Variants in WDR62 observed in about 807,000 individuals in gnomAD.
WDR62 encodes the protein WD repeat domain 62.
Under a neutral mutation model 160.6 loss-of-function variants are expected in WDR62, and 112 were observed. That is an observed-to-expected ratio of 0.70 (90% CI 0.60 to 0.82). WDR62 has a LOEUF of 0.82. Ranked by LOEUF, WDR62 falls within the 40% of genes least tolerant of loss-of-function variation. The pLI is 0.00. For synonymous variants in WDR62, 792 were observed against 815.1 expected, an observed-to-expected ratio of 0.97 and a Z score of 0.48; for missense variants, 1,819 against 1,983.8, an observed-to-expected ratio of 0.92 and a Z score of 1.58.
rs569827701 is a variant in WDR62, at chr19:36,101,586, C to T, written c.2972-78C>T. 73 of 1,138,322 alleles carry T rather than the reference C, an allele frequency of 6.4e-5. No homozygotes were observed. In the African/African-American group the frequency reaches 1.0e-3, roughly 16 times the overall value. The allele number at this position is 1,138,322 out of a possible 1,614,324, so 70.5% of individuals were successfully genotyped here. The stretch of plus-strand genomic sequence containing the variant: ...CCCTCCTCCAGATGGGGAAACTGAG[C>T]CCAGGGAAGGGTAGCCCTGGCCCTG... On this transcript the variant is annotated intron_variant, in intron 24 of 31. Transcript: ENST00000401500.
chr19:36,082,835 A>C lies in WDR62; in HGVS notation c.1372-228A>C, dbSNP rs147144244. 0.014 allele frequency among the ~76,000 whole-genome samples: 2,095 copies of C among 152,316 alleles called. 21 individuals carry two copies. The highest frequency in any genetic ancestry group is 0.022 in the Non-Finnish European group (1,470 of 68,026). ...AGTTCCAGGCTGCAGGATGGAGAAAAGACAGCAGAAGAATACGTGCTTGCT... is the reference window on the plus strand; with the variant it reads ...AGTTCCAGGCTGCAGGATGGAGAAACGACAGCAGAAGAATACGTGCTTGCT... On this transcript the variant is annotated intron_variant, in intron 10 of 31. Transcript: ENST00000401500.
chr19:36,085,743 G>A (rs1972187343), intron 12 of WDR62, among the ~76,000 whole-genome samples: 1 of 152,098 alleles, frequency 6.6e-6, no homozygotes. Context: ...CATCAGATGA[G>A]ATCATGAGAT....
intron 18 of WDR62, among the ~76,000 whole-genome samples, chr19:36,092,427 C>A (rs1972676593): frequency 1.3e-5 from 2 of 152,184 alleles, no homozygotes; most frequent in Admixed American, 1.3e-4. Context: ...TGATTTACCC[C>A]AGTTCTTCCC....
intron 10 of WDR62, among the ~76,000 whole-genome samples, chr19:36,082,292 C>T (rs78542047): frequency 0.011 from 1,608 of 152,278 alleles, 29 homozygotes; most frequent in African/African-American, 0.037. Context: ...CATAGAGCAG[C>T]AGCATGTGAA....
rs1283389801 is a variant in WDR62, at chr19:36,083,148, G to A, written c.1457G>A (p.Gly486Glu). ...SHFPDRGSENGTPMDVKAGVR... is the reference protein window; with the variant it reads ...SHFPDRGSENETPMDVKAGVR... ...TTCCCAGACCGGGGGAGCGAGAATGGGACACCCATGGACGTGAAAGCCGGG... is the reference window on the plus strand; with the variant it reads ...TTCCCAGACCGGGGGAGCGAGAATGAGACACCCATGGACGTGAAAGCCGGG... The change falls in exon 11 of 32, where the codon GGG (glycine) becomes GAG (glutamate). Residue 486 changes from glycine (G) to glutamate (E), a missense_variant. Physicochemically the swap from Gly to Glu is moderately conservative, Grantham distance 98. This residue lies in a region of WDR62 where 934 missense variants were observed against 1,157.2 expected (regional missense o/e 0.81). Coordinates refer to ENST00000401500, the MANE Select transcript of WDR62 (RefSeq NM_001083961.2). 5 of 1,613,448 alleles carry A rather than the reference G, an allele frequency of 3.1e-6. No homozygotes were observed. Among genetic ancestry groups the A allele is most frequent in the Admixed American group, 3.3e-5 (2 of 59,946 alleles).
Position 36,103,830 on chromosome 19 carries a change from G to A in WDR62, c.4002G>A (p.Glu1334=). ...VSFPAPSPVE[E]SALRLHGSAF... is the part of the protein sequence containing the mutation. Reference sequence around the variant, plus strand: ...TCCCAGCCCCTAGCCCTGTGGAAGAGAGCGCCCTGAGGCTCCACGGCTCTG... The same window carrying A: ...TCCCAGCCCCTAGCCCTGTGGAAGAAAGCGCCCTGAGGCTCCACGGCTCTG... The change falls in exon 30 of 32, where the codon GAG becomes GAA. Residue 1334 remains glutamate (E), a synonymous_variant. Transcript: ENST00000401500. 1 of 1,606,240 alleles carries A rather than the reference G, an allele frequency of 6.2e-7. No homozygotes were observed. Among genetic ancestry groups the A allele is most frequent in the South Asian group, 1.1e-5 (1 of 91,062 alleles).
chr19:36,065,897 G>A, intron 3 of WDR62, 61 bp from the exon 4 acceptor site: 1 of 1,552,348 alleles, frequency 6.4e-7, no homozygotes, highest in Non-Finnish European at 8.9e-7. Context: ...GAGTCGCCAG[G>A]ATGGGGTCTG....
intron 7 of WDR62, among the ~76,000 whole-genome samples, chr19:36,070,032 C>T (rs988364388): frequency 6.2e-5 from 8 of 129,748 alleles, no homozygotes; most frequent in South Asian, 2.3e-4. Context: ...AGAGGGAGAC[C>T]GTGGGGAGAA....
chr19:36,059,827 C>T, intron 2 of WDR62, 141 bp from the exon 3 acceptor site: 3 of 841,014 alleles, frequency 3.6e-6, no homozygotes, highest in South Asian at 2.7e-5. Context: ...TCAGCGTAAA[C>T]ACCTGGAGGA....
chr19:36,092,883 C>G, intron 19 of WDR62, 72 bp downstream of exon 19: 1 of 1,610,350 alleles, frequency 6.2e-7, no homozygotes, highest in Non-Finnish European at 8.5e-7. Context: ...ATGCTGGGGA[C>G]ACAGTGGTGG....
intron 13 of WDR62, among the ~76,000 whole-genome samples, chr19:36,088,043 C>T (rs1241872025): frequency 6.6e-6 from 1 of 152,172 alleles, no homozygotes; most frequent in Non-Finnish European, 1.5e-5. Context: ...TCCCAGGTTA[C>T]CCTTCCTCCC....
Position 36,069,516 on chromosome 19 carries a change from C to T in WDR62, c.882+1506C>T, listed in dbSNP as rs571371587. Among the ~76,000 whole-genome samples, 4 of 149,442 alleles carry T rather than the reference C, an allele frequency of 2.7e-5. No individual in the cohort carries two copies. In the East Asian group the frequency reaches 6.0e-4, roughly 23 times the overall value. On this transcript the variant is annotated intron_variant, in intron 7 of 31. Coordinates refer to ENST00000401500, the MANE Select transcript of WDR62 (RefSeq NM_001083961.2). ...CTCCTCACTTCCCAGATTGGGCAGC[C>T]GAGCAGAGGGGCTCCTCACATCCCA...
chr19:36,087,108 T>A (rs920485027), intron 13 of WDR62, among the ~76,000 whole-genome samples: 1 of 151,838 alleles, frequency 6.6e-6, no homozygotes, highest in Non-Finnish European at 1.5e-5. Flanking sequence ...GTGTTGTTTC[T>A]GTAATCCCAG....
At chr19:36,096,926 T>C in intron 20 of WDR62, 101 bp from the exon 21 acceptor site, 1 of 1,076,314 alleles carries the variant, frequency 9.3e-7, no homozygotes, top group Non-Finnish European at 1.4e-6. Flanking sequence ...GCCTTCTGAC[T>C]TCTGGGTTGT....
intron 11 of WDR62, among the ~76,000 whole-genome samples, chr19:36,084,023 A>G (rs1169466663): frequency 4.6e-5 from 7 of 152,078 alleles, no homozygotes; most frequent in African/African-American, 1.7e-4. Context: ...TGGAGTGGCA[A>G]AACGGTACCA....
intron 13 of WDR62, among the ~76,000 whole-genome samples, chr19:36,087,717 G>T (rs948127377): frequency 3.9e-5 from 6 of 152,172 alleles, no homozygotes; most frequent in African/African-American, 1.4e-4. Context: ...TACTTGGGAG[G>T]CTGAGGCAGG....
intron 12 of WDR62, among the ~76,000 whole-genome samples, chr19:36,085,066 A>G (rs377585316): frequency 4.6e-4 from 70 of 152,228 alleles, no homozygotes; most frequent in African/African-American, 1.6e-3. Flanking sequence ...TTTGAAGCCT[A>G]TAGAAATATT....
chr19:36,094,082 A>G lies in WDR62; in HGVS notation c.2385A>G (p.Gly795=). The change falls in exon 20 of 32, where the codon GGA becomes GGG. Residue 795 remains glycine (G), a synonymous_variant. Transcript: ENST00000401500. The part of the protein sequence containing the change: ...TPSEIHSLSP[G]EQTEDDLEEE... Reference sequence around the variant, plus strand: ...GTGAGATTCACTCCCTGAGCCCTGGAGAGCAAACAGAGGATGATCTGGAGG... The same window carrying G: ...GTGAGATTCACTCCCTGAGCCCTGGGGAGCAAACAGAGGATGATCTGGAGG... 1 of 1,614,168 alleles carries G rather than the reference A, an allele frequency of 6.2e-7. No individual in the cohort carries two copies. Among genetic ancestry groups the G allele is most frequent in the Non-Finnish European group, 8.5e-7 (1 of 1,180,026 alleles).
chr19:36,073,992 CT>C (rs1971442583), intron 9 of WDR62: 1 of 329,702 alleles, frequency 3.0e-6, no homozygotes, highest in African/African-American at 2.2e-5. Context: ...ATGTATTTCA[CT>C]GCTTTTTTTA....
Sources: gnomAD v4.1 joint callset for allele counts (sites outside exome capture counted in the v4.1 genomes callset) on GRCh38, gnomAD v4.1.1 for gene constraint, gnomAD v4.1.1 regional missense constraint, MANE v1.5 for transcripts, NCBI Gene and HGNC (gene_info 2026-07-23, HGNC 2026-07-21) for gene names.